HPD: variants seen among roughly 807,000 people sequenced by gnomAD.
HPD encodes the protein 4-hydroxyphenylpyruvate dioxygenase, also known as 4-hydroxyphenylpyruvic acid oxidase.
A neutral mutation model predicts 56.9 loss-of-function variants in HPD; 35 were observed. The ratio of observed to expected loss-of-function variants is 0.62; its 90% CI spans 0.47 to 0.82. HPD has a LOEUF of 0.82. Among genes scored for constraint, HPD ranks in the 40% least tolerant of loss-of-function variants. HPD has a pLI of 0.00. For missense variants in HPD, 442 were observed against 506.8 expected (o/e 0.87, Z 1.23); for synonymous variants, 186 against 200.2 (o/e 0.93, Z 0.60).
At chr12:121,886,410 GTTTTTTTTT>G in the HPD span, among the ~76,000 whole-genome samples, 2 of 110,338 alleles carry the variant, frequency 1.8e-5, no homozygotes, top group Non-Finnish European at 3.5e-5. Context: ...GCCTGGCCTA[GTTTTTTTTT>G]TTTTTTTTTT....
At chr12:121,848,869 A>C in intron 9 of HPD, 130 bp downstream of exon 9, 4 of 799,878 alleles carry the variant, frequency 5.0e-6, no homozygotes, top group Non-Finnish European at 6.7e-6. Context: ...GCTTCCCAGA[A>C]TGCTGGGATT....
chr12:121,851,710 T>A (rs1372154231), intron 7 of HPD, among the ~76,000 whole-genome samples: 435 of 11,116 alleles, frequency 0.039, 46 homozygotes, highest in African/African-American at 0.13. Flanking sequence ...TTTTTTTTTT[T>A]TTTTTTTTTT....
At chr12:121,868,873 A>C in the HPD span, among the ~76,000 whole-genome samples, 1 of 151,860 alleles carries the variant, frequency 6.6e-6, no homozygotes, top group Non-Finnish European at 1.5e-5. Context: ...GAGCTATAAG[A>C]GTTCTCTTTG....
the HPD span, among the ~76,000 whole-genome samples, chr12:121,869,566 C>CTTTT: frequency 2.7e-5 from 4 of 145,850 alleles, no homozygotes; most frequent in Non-Finnish European, 4.5e-5. Context: ...TAGGTTTTCA[C>CTTTT]TTTTTTTTTT....
At chr12:121,853,093 C>T (rs1877865024) in intron 7 of HPD, among the ~76,000 whole-genome samples, 1 of 152,080 alleles carries the variant, frequency 6.6e-6, no homozygotes, top group African/African-American at 2.4e-5. Flanking sequence ...CCAAACACTG[C>T]ATGTTCTCAC....
the HPD span, among the ~76,000 whole-genome samples, chr12:121,874,843 C>T: frequency 6.6e-6 from 1 of 151,762 alleles, no homozygotes; most frequent in Admixed American, 6.6e-5. Flanking sequence ...CCCACCGCAA[C>T]CTCTGCCTCC....
chr12:121,848,916 T>G, intron 9 of HPD, 83 bp downstream of exon 9: 3 of 1,012,600 alleles, frequency 3.0e-6, no homozygotes, highest in Non-Finnish European at 4.7e-6. Flanking sequence ...GTATTTTCCA[T>G]GTTAGTGCAA....
the HPD span, among the ~76,000 whole-genome samples, chr12:121,884,545 G>T: frequency 6.6e-6 from 1 of 151,902 alleles, no homozygotes; most frequent in Non-Finnish European, 1.5e-5. Context: ...GGACTCAAGG[G>T]ATCCTCCTGC....
chr12:121,887,013 C>A, the HPD span, among the ~76,000 whole-genome samples: 1 of 152,148 alleles, frequency 6.6e-6, no homozygotes, highest in African/African-American at 2.4e-5. Context: ...GATTCTCCTG[C>A]GTCAGCCTCC....
At chr12:121,865,261 C>CTCTTTCTT (rs79584022), upstream of HPD, among the ~76,000 whole-genome samples, 1 of 149,576 alleles carries the variant, frequency 6.7e-6, no homozygotes, top group Non-Finnish European at 1.5e-5. Flanking sequence ...CAGCGACACT[C>CTCTTTCTT]TCTTTCTTTC....
intron 7 of HPD, chr12:121,850,049 G>A: frequency 6.4e-6 from 3 of 468,054 alleles, no homozygotes; most frequent in South Asian, 2.0e-5. Context: ...GCACAGGGGA[G>A]GTACTCAATG....
At chr12:121,853,123 G>A (rs1013425308) in intron 7 of HPD, among the ~76,000 whole-genome samples, 1 of 152,104 alleles carries the variant, frequency 6.6e-6, no homozygotes, top group Admixed American at 6.6e-5. Flanking sequence ...AGAGCTAAAT[G>A]ATGAGAAAAG....
chr12:121,839,767 G>A lies in HPD; in HGVS notation c.1143C>T (p.Leu381=), dbSNP rs201680046. 6 of 1,614,196 alleles carry A rather than the reference G, an allele frequency of 3.7e-6. No individual in the cohort carries two copies. The highest frequency in any genetic ancestry group is 2.2e-5 in the East Asian group (1 of 44,886). ...FEEEQNLRGN[L]TNMETNGVVP... is the part of the protein sequence containing the mutation. ...CCACCCCATTGGTCTCCATGTTGGTGAGGTTACCCCGCAGGTTCTGCTCCT... is the reference window on the plus strand; with the variant it reads ...CCACCCCATTGGTCTCCATGTTGGTAAGGTTACCCCGCAGGTTCTGCTCCT... The change falls in exon 14 of 14, where the codon CTC becomes CTT. Residue 381 remains leucine (L), a synonymous_variant. Transcript: ENST00000289004.
the HPD span, among the ~76,000 whole-genome samples, chr12:121,872,832 C>T: frequency 6.6e-6 from 1 of 151,982 alleles, no homozygotes; most frequent in Non-Finnish European, 1.5e-5. Context: ...TATATAAAGC[C>T]AGAACAGAGA....
At chr12:121,881,418 T>A in the HPD span, among the ~76,000 whole-genome samples, 1 of 152,132 alleles carries the variant, frequency 6.6e-6, no homozygotes, top group East Asian at 1.9e-4. Flanking sequence ...GGGTATCTCT[T>A]CCTTGGCTTC....
At chr12:121,877,589 C>T in the HPD span, among the ~76,000 whole-genome samples, 129 of 152,188 alleles carry the variant, frequency 8.5e-4, no homozygotes, top group African/African-American at 2.7e-3. Context: ...AAAAATGAGC[C>T]GAGTGTGGTG....
chr12:121,867,601 C>CCTCCCAGGTTCAAGTGATT (rs1217408511), upstream of HPD, among the ~76,000 whole-genome samples: 1 of 151,806 alleles, frequency 6.6e-6, no homozygotes, highest in Non-Finnish European at 1.5e-5. Context: ...GCAACCTCCA[C>CCTCCCAGGTTCAAGTGATT]CTCCCAGGTT....
At chr12:121,862,463 A>G (rs1878201358), upstream of HPD, among the ~76,000 whole-genome samples, 1 of 151,626 alleles carries the variant, frequency 6.6e-6, no homozygotes, top group South Asian at 2.1e-4. Flanking sequence ...ACGCCCAGCT[A>G]ATTTTGTATT....
intron 11 of HPD, among the ~76,000 whole-genome samples, chr12:121,845,714 A>G (rs935878347): frequency 5.3e-5 from 8 of 151,710 alleles, no homozygotes; most frequent in African/African-American, 1.2e-4. Context: ...TGACCCCCCA[A>G]TTTAAATGTG....
Sources: allele counts gnomAD v4.1 joint callset (sites outside exome capture counted in the v4.1 genomes callset), GRCh38; gene constraint gnomAD v4.1.1; transcripts MANE v1.5; gene names NCBI Gene and HGNC (gene_info 2026-07-23, HGNC 2026-07-21).